ATP10B: variants seen among roughly 807,000 people sequenced by gnomAD.
The protein encoded by ATP10B is phospholipid-transporting ATPase VB.
Under a neutral mutation model 141.2 loss-of-function variants are expected in ATP10B, and 122 were observed. The observed-to-expected ratio is 0.86, with a 90% CI of 0.75 to 1.00. The LOEUF (loss-of-function observed/expected upper bound fraction) is 1.00. ATP10B is among the 50% of genes least tolerant of loss of function. ATP10B has a pLI of 0.00. For synonymous variants in ATP10B, 685 were observed against 692.0 expected (o/e 0.99, Z 0.16); for missense variants, 1,876 against 1,825.3 (o/e 1.03, Z -0.51).
chr5:160,813,755 C>T (rs887191968), intron 1 of ATP10B, among the ~76,000 whole-genome samples: 16 of 152,198 alleles, frequency 1.1e-4, no homozygotes, highest in Non-Finnish European at 2.4e-4. Flanking sequence ...ACTGACACCT[C>T]ACACGGCAGG....
the ATP10B span, among the ~76,000 whole-genome samples, chr5:160,906,908 C>T: frequency 6.6e-6 from 1 of 152,234 alleles, no homozygotes; most frequent in African/African-American, 2.4e-5. Context: ...TCCCTCTGCC[C>T]TTTTAAGCCA....
intron 2 of ATP10B, 61 bp downstream of exon 2, chr5:160,785,498 C>T (rs562774747): frequency 6.7e-6 from 3 of 446,246 alleles, no homozygotes; most frequent in East Asian, 7.1e-5. Flanking sequence ...CATGGGTATA[C>T]TGAGTGATGC....
intron 2 of ATP10B, among the ~76,000 whole-genome samples, chr5:160,749,664 C>T (rs142229620): frequency 3.0e-4 from 45 of 152,266 alleles, no homozygotes; most frequent in African/African-American, 1.0e-3. Context: ...ATGGCAGAAA[C>T]CAAGATCTCA....
At chr5:160,918,034 G>C in the ATP10B span, among the ~76,000 whole-genome samples, 1 of 152,218 alleles carries the variant, frequency 6.6e-6, no homozygotes, top group Admixed American at 6.5e-5. Flanking sequence ...TAGGACCACA[G>C]TGAGGAAGGA....
intron 3 of ATP10B, among the ~76,000 whole-genome samples, chr5:160,690,176 C>T (rs1003219156): frequency 2.0e-5 from 3 of 152,176 alleles, no homozygotes; most frequent in Admixed American, 6.5e-5. Context: ...AAACTGGACA[C>T]CTTCCTTACA....
intron 7 of ATP10B, among the ~76,000 whole-genome samples, chr5:160,652,121 C>T (rs1760783609): frequency 1.3e-5 from 2 of 152,128 alleles, no homozygotes; most frequent in African/African-American, 4.8e-5. Flanking sequence ...GGCTTCCTAG[C>T]CACCTCCCTC....
chr5:160,923,981 G>C, the ATP10B span, among the ~76,000 whole-genome samples: 2 of 152,158 alleles, frequency 1.3e-5, no homozygotes, highest in Non-Finnish European at 2.9e-5. Flanking sequence ...TTACCTATTG[G>C]GACATTCCCT....
chr5:160,652,636 T>C (rs1760834313), intron 7 of ATP10B, among the ~76,000 whole-genome samples: 1 of 137,016 alleles, frequency 7.3e-6, no homozygotes. Flanking sequence ...TTTTATATTT[T>C]ATAAAATAAA....
intron 7 of ATP10B, among the ~76,000 whole-genome samples, chr5:160,667,355 T>A (rs939627286): frequency 6.6e-6 from 1 of 152,170 alleles, no homozygotes; most frequent in Non-Finnish European, 1.5e-5. Flanking sequence ...CCCAGTTTCG[T>A]TTTGTATAAA....
chr5:160,748,955 T>C (rs757196383), intron 2 of ATP10B, among the ~76,000 whole-genome samples: 1 of 152,184 alleles, frequency 6.6e-6, no homozygotes, highest in Non-Finnish European at 1.5e-5. Context: ...CTAATATTCA[T>C]AGTAATGTTT....
At chr5:160,705,101 G>A (rs530314865) in intron 3 of ATP10B, among the ~76,000 whole-genome samples, 1 of 151,412 alleles carries the variant, frequency 6.6e-6, no homozygotes, top group African/African-American at 2.4e-5. Flanking sequence ...TGTGTTTTTA[G>A]TAGAGACGGG....
intron 9 of ATP10B, among the ~76,000 whole-genome samples, chr5:160,643,664 C>T (rs1316182122): frequency 6.6e-6 from 1 of 152,238 alleles, no homozygotes; most frequent in African/African-American, 2.4e-5. Context: ...CTAAAACCCA[C>T]TGAGCCCTCT....
rs551563140 is a variant in ATP10B at position 160,689,741 on chromosome 5, T to C, written c.-204-798A>G. On this transcript the variant is annotated intron_variant, in intron 3 of 25. Transcript: ENST00000327245. ...CAAATGGAAAAACATTCCATGATCA[T>C]GGATAGGAAAAATCAATATCGTGAA... is the stretch of plus-strand genomic sequence containing the variant. 1.8e-4 allele frequency among the ~76,000 whole-genome samples: 28 copies of C among 152,312 alleles called. No individual in the cohort carries two copies. The South Asian group carries it at 5.6e-3, about 30-fold the overall frequency.
intron 10 of ATP10B, among the ~76,000 whole-genome samples, chr5:160,638,061 G>A (rs1268613424): frequency 6.6e-6 from 1 of 152,190 alleles, no homozygotes; most frequent in Non-Finnish European, 1.5e-5. Context: ...CCAGGGCAGA[G>A]TATTCTGGTG....
chr5:160,879,392 G>T, the ATP10B span, among the ~76,000 whole-genome samples: 1 of 107,726 alleles, frequency 9.3e-6, no homozygotes, highest in African/African-American at 3.7e-5. Flanking sequence ...GTGGTGGGGT[G>T]GGGGGAGGGG....
chr5:160,814,964 C>T (rs1451002407), intron 1 of ATP10B, among the ~76,000 whole-genome samples: 1 of 152,098 alleles, frequency 6.6e-6, no homozygotes, highest in Non-Finnish European at 1.5e-5. Flanking sequence ...CAGGCCTGCC[C>T]TAAAAGAGCT....
intron 15 of ATP10B, among the ~76,000 whole-genome samples, chr5:160,618,959 A>G (rs373199676): frequency 2.6e-5 from 4 of 152,250 alleles, no homozygotes; most frequent in East Asian, 3.8e-4. Flanking sequence ...ACAGAAAAGT[A>G]TAATGAAGTC....
At chr5:160,575,995 G>A (rs1441400663) in intron 24 of ATP10B, among the ~76,000 whole-genome samples, 1 of 152,180 alleles carries the variant, frequency 6.6e-6, no homozygotes, top group Admixed American at 6.5e-5. Flanking sequence ...ATTGCCAGTT[G>A]CTCCAGGCTT....
intron 2 of ATP10B, among the ~76,000 whole-genome samples, chr5:160,752,294 A>G (rs534249649): frequency 9.3e-5 from 14 of 151,070 alleles, no homozygotes; most frequent in Non-Finnish European, 1.2e-4. Context: ...AGGTGAGCAT[A>G]GTGGATTACC....
Sources: gnomAD v4.1 joint callset for allele counts (sites outside exome capture counted in the v4.1 genomes callset) on GRCh38, gnomAD v4.1.1 for gene constraint, MANE v1.5 for transcripts, NCBI Gene and HGNC (gene_info 2026-07-23, HGNC 2026-07-21) for gene names.